SPAG1: variants seen among roughly 807,000 people sequenced by gnomAD.
SPAG1 encodes sperm associated antigen 1.
SPAG1 carries 69 observed loss-of-function variants against 100.5 expected under a neutral mutation model. The ratio of observed to expected loss-of-function variants is 0.69; its 90% CI spans 0.57 to 0.84. The LOEUF is 0.84. Ranked by LOEUF, SPAG1 falls within the 40% of genes least tolerant of loss-of-function variation. The probability of loss-of-function intolerance (pLI) is 0.00; values close to 1 mark genes in which losing one functional copy is unlikely to be tolerated. For missense variants in SPAG1, 955 were observed against 1,133.1 expected, an observed-to-expected ratio of 0.84 and a Z score of 2.26; for synonymous variants, 336 against 411.6, an observed-to-expected ratio of 0.82 and a Z score of 2.22.
intron 12 of SPAG1, among the ~76,000 whole-genome samples, chr8:100,216,931 CTTTTTTTTTTT>C (rs141365826): frequency 1.2e-5 from 1 of 84,152 alleles, no homozygotes; most frequent in African/African-American, 5.1e-5. Context: ...TCCATGAGTT[CTTTTTTTTTTT>C]TTTTTTTTTT....
At chr8:100,200,767 A>T (rs1018467774) in intron 10 of SPAG1, among the ~76,000 whole-genome samples, 12 of 151,000 alleles carry the variant, frequency 7.9e-5, no homozygotes, top group African/African-American at 2.9e-4. Flanking sequence ...GTCTGTTCAT[A>T]TCCTTTGCCC....
chr8:100,203,341 A>C lies in SPAG1; in HGVS notation c.1096+9073A>C, dbSNP rs192881180. ...ACTGAATAAGCTTATATATATATATATCTCCTATTAGTTCTGTCCCTCTAG... is the reference window on the plus strand; with the variant it reads ...ACTGAATAAGCTTATATATATATATCTCTCCTATTAGTTCTGTCCCTCTAG... On this transcript the variant is annotated intron_variant, in intron 10 of 18. Coordinates refer to ENST00000388798, the MANE Select transcript of SPAG1 (RefSeq NM_003114.5). Among the ~76,000 whole-genome samples, 598 of 152,250 alleles carry C rather than the reference A, an allele frequency of 3.9e-3. 6 individuals carry two copies. Among genetic ancestry groups the C allele is most frequent in the Non-Finnish European group, 6.2e-3 (419 of 68,030 alleles).
chr8:100,181,894 T>C (rs1816382104), intron 4 of SPAG1, among the ~76,000 whole-genome samples: 1 of 152,200 alleles, frequency 6.6e-6, no homozygotes. Flanking sequence ...ACCCATAACA[T>C]CATCTTAGCA....
At chr8:100,176,213 CT>C (rs1488946224) in intron 3 of SPAG1, among the ~76,000 whole-genome samples, 2 of 152,078 alleles carry the variant, frequency 1.3e-5, no homozygotes, top group Non-Finnish European at 2.9e-5. Context: ...AAAGCCAAAC[CT>C]TTTTCTAAAA....
chr8:100,216,512 C>T (rs1817992254), intron 12 of SPAG1, among the ~76,000 whole-genome samples: 1 of 152,098 alleles, frequency 6.6e-6, no homozygotes, highest in Non-Finnish European at 1.5e-5. Flanking sequence ...AGAGTAGGGG[C>T]TTGTCCAAGG....
intron 16 of SPAG1, among the ~76,000 whole-genome samples, chr8:100,236,978 G>A (rs999645357): frequency 2.0e-5 from 3 of 152,130 alleles, no homozygotes; most frequent in Admixed American, 2.0e-4. Flanking sequence ...TCACAAACAC[G>A]TGATTATAAT....
At chr8:100,216,931 C>CTTTTTTT (rs141365826) in intron 12 of SPAG1, among the ~76,000 whole-genome samples, 7 of 84,156 alleles carry the variant, frequency 8.3e-5, no homozygotes, top group African/African-American at 1.0e-4. Context: ...TCCATGAGTT[C>CTTTTTTT]TTTTTTTTTT....
rs140436653 is a variant in SPAG1 at position 100,234,603 on chromosome 8, G to A, written c.2115+1066G>A. 5.3e-5 allele frequency among the ~76,000 whole-genome samples: 8 copies of A among 152,244 alleles called. No homozygotes were observed. In the East Asian group the frequency reaches 5.8e-4, roughly 11 times the overall value. On this transcript the variant is annotated intron_variant, in intron 16 of 18. Transcript: ENST00000388798. ...TCAGGAACTGTTCCTTTTTATCACC[G>A]TGTTGTATGAATATATCACAATTTG...
intron 9 of SPAG1, 147 bp downstream of exon 9, chr8:100,191,643 G>A (rs1816821433): frequency 5.5e-6 from 3 of 544,934 alleles, no homozygotes; most frequent in Admixed American, 3.4e-5. Context: ...ACCCCAAAAC[G>A]TTAACATCTA....
chr8:100,216,297 C>G (rs1173660994), intron 12 of SPAG1, among the ~76,000 whole-genome samples: 1 of 152,176 alleles, frequency 6.6e-6, no homozygotes, highest in Non-Finnish European at 1.5e-5. Flanking sequence ...TGTTTTAGGC[C>G]TTTCCACAGT....
At chr8:100,164,175 C>G (rs1815441256) in intron 2 of SPAG1, among the ~76,000 whole-genome samples, 1 of 152,138 alleles carries the variant, frequency 6.6e-6, no homozygotes, top group East Asian at 1.9e-4. Flanking sequence ...CTTCCTACCT[C>G]TTTGAAATAA....
chr8:100,235,532 A>G (rs996033348), intron 16 of SPAG1, among the ~76,000 whole-genome samples: 2 of 152,058 alleles, frequency 1.3e-5, no homozygotes, highest in African/African-American at 4.8e-5. Context: ...GGAGCGGGGC[A>G]GTTTGGGAGT....
chr8:100,240,107 A>G (rs988081587), intron 17 of SPAG1, among the ~76,000 whole-genome samples: 2 of 152,200 alleles, frequency 1.3e-5, no homozygotes, highest in African/African-American at 4.8e-5. Context: ...GTTAAAATTT[A>G]TTGTGAAAAG....
intron 10 of SPAG1, among the ~76,000 whole-genome samples, chr8:100,209,584 A>G (rs1817638504): frequency 6.6e-6 from 1 of 151,506 alleles, no homozygotes; most frequent in Admixed American, 6.6e-5. Context: ...TTGCATCTGT[A>G]GATTGCTTTG....
intron 13 of SPAG1, among the ~76,000 whole-genome samples, chr8:100,223,872 A>G (rs1818388612): frequency 6.6e-6 from 1 of 152,156 alleles, no homozygotes; most frequent in Admixed American, 6.5e-5. Context: ...TTCAATTATT[A>G]TAACCAAAGA....
At chr8:100,180,638 T>C (rs1816327990) in intron 4 of SPAG1, among the ~76,000 whole-genome samples, 1 of 152,180 alleles carries the variant, frequency 6.6e-6, no homozygotes, top group African/African-American at 2.4e-5. Context: ...ATACAAAAAA[T>C]AGACTATTTA....
chr8:100,183,254 T>G, intron 4 of SPAG1, 121 bp from the exon 5 acceptor site: 2 of 519,866 alleles, frequency 3.8e-6, no homozygotes, highest in East Asian at 3.7e-5. Flanking sequence ...ATTACAGGCG[T>G]GAGTCCCCGC....
chr8:100,170,491 C>A (rs1435977668), intron 3 of SPAG1, among the ~76,000 whole-genome samples: 2 of 152,096 alleles, frequency 1.3e-5, no homozygotes, highest in Non-Finnish European at 2.9e-5. Flanking sequence ...ACTTTTTCAT[C>A]CTGCAAAACA....
At position 100,239,594 on chromosome 8, in the gene SPAG1, G is replaced by T. The variant is rs879697342; in HGVS notation, c.2280+190G>T. ...ATTAGCCATTGTATTTCCCAACGTG[G>T]GTCCATGGATGGTACTGGGAGTCTC... On this transcript the variant is annotated intron_variant, in intron 17 of 18. Transcript: ENST00000388798. This position sits in a 1 kb window ranked among gnomAD's most constrained non-coding sequence, Gnocchi z 5.0. Among the ~76,000 whole-genome samples, 6 of 152,156 alleles carry T rather than the reference G, an allele frequency of 3.9e-5. No individual in the cohort carries two copies. Among genetic ancestry groups the T allele is most frequent in the Non-Finnish European group, 5.9e-5 (4 of 68,024 alleles).
Sources: allele counts gnomAD v4.1 joint callset (sites outside exome capture counted in the v4.1 genomes callset), GRCh38; gene constraint gnomAD v4.1.1; non-coding constraint Gnocchi (gnomAD v3.1); transcripts MANE v1.5; gene names NCBI Gene and HGNC (gene_info 2026-07-23, HGNC 2026-07-21).